Variants in TIAM1 observed in about 807,000 individuals in gnomAD.
The protein encoded by TIAM1 is TIAM Rac1 associated GEF 1.
A neutral mutation model predicts 163.5 loss-of-function variants in TIAM1; 65 were observed. The ratio of observed to expected loss-of-function variants is 0.40; its 90% confidence interval spans 0.33 to 0.49. TIAM1 has a LOEUF of 0.49. Ranked by LOEUF, TIAM1 falls within the 20% of genes least tolerant of loss-of-function variation. The probability of loss-of-function intolerance (pLI) is 0.77; values close to 1 mark genes in which losing one functional copy is unlikely to be tolerated. For missense variants in TIAM1, 1,789 were observed against 2,044.7 expected (o/e 0.87, Z 2.41); for synonymous variants, 833 against 810.1 (o/e 1.03, Z -0.48).
At chr21:31,260,394 C>T (rs2017719) in intron 4 of TIAM1, among the ~76,000 whole-genome samples, 1 of 151,430 alleles carries the variant, frequency 6.6e-6, no homozygotes, top group Non-Finnish European at 1.5e-5. Context: ...CCCGCCACCA[C>T]GCCTGGCTAA....
At chr21:31,519,946 A>G (rs61444781) in intron 1 of TIAM1, among the ~76,000 whole-genome samples, 96,447 of 151,984 alleles carry the variant, frequency 0.63, 30,930 homozygotes, top group East Asian at 0.96. Flanking sequence ...CGGAGTTTCC[A>G]TTTGGGAAGA....
At chr21:31,130,440 C>A (rs1169054207) in intron 24 of TIAM1, 125 bp from the exon 25 acceptor site, 16 of 695,142 alleles carry the variant, frequency 2.3e-5, no homozygotes, top group Non-Finnish European at 3.5e-5. Context: ...AGGATCTTCA[C>A]CCCCATGAGC....
intron 2 of TIAM1, among the ~76,000 whole-genome samples, chr21:31,423,133 C>G (rs2043642610): frequency 1.8e-5 from 2 of 112,702 alleles, no homozygotes; most frequent in Non-Finnish European, 3.3e-5. Context: ...GAGTCTGGCT[C>G]TGTCACCCAG....
At chr21:31,392,987 A>C in intron 2 of TIAM1, among the ~76,000 whole-genome samples, 1 of 145,434 alleles carries the variant, frequency 6.9e-6, no homozygotes, top group African/African-American at 2.6e-5. Context: ...ACTGAGTCTC[A>C]CTCTGTTGCC....
At position 31,266,905 on chromosome 21, in the gene TIAM1, C is replaced by T. The variant is rs758268963; in HGVS notation, c.68G>A (p.Arg23His). 12 of 1,612,838 alleles carry T rather than the reference C, an allele frequency of 7.4e-6. No individual in the cohort carries two copies. Among genetic ancestry groups the T allele is most frequent in the African/African-American group, 5.3e-5 (4 of 74,930 alleles). The change falls in exon 4 of 28, where the codon CGC (arginine) becomes CAC (histidine). Residue 23 changes from arginine (R) to histidine (H), a missense_variant. By Grantham distance (29) the Arg-to-His change is conservative (BLOSUM62 0). Transcript: ENST00000541036. ...GCGCAGGGAGCGGGAAGTGTGCTTG[C>T]GCCCCAGGCTGGCATGCTTTTCTCC... Reference protein sequence around the residue: ...FYGEKHASLGRKHTSRSLRLS... With the variant: ...FYGEKHASLGHKHTSRSLRLS...
chr21:31,465,293 G>A (rs957040814), intron 1 of TIAM1, among the ~76,000 whole-genome samples: 3 of 151,888 alleles, frequency 2.0e-5, no homozygotes, highest in Admixed American at 6.6e-5. Context: ...GCAGAGTGCA[G>A]TGGCAAGATC....
chr21:31,481,231 A>G (rs1332802100), intron 1 of TIAM1, among the ~76,000 whole-genome samples: 1 of 152,100 alleles, frequency 6.6e-6, no homozygotes, highest in Non-Finnish European at 1.5e-5. Context: ...TACACTCAAC[A>G]ATAAGATTTA....
At chr21:31,558,691 G>A (rs1242900028) in intron 1 of TIAM1, among the ~76,000 whole-genome samples, 4 of 152,224 alleles carry the variant, frequency 2.6e-5, no homozygotes, top group South Asian at 4.2e-4. Context: ...TCGCGCGAGG[G>A]ATGCCTCCTC....
chr21:31,286,508 G>A (rs1442781827), intron 2 of TIAM1, among the ~76,000 whole-genome samples: 1 of 151,890 alleles, frequency 6.6e-6, no homozygotes, highest in African/African-American at 2.4e-5. Flanking sequence ...AGAAGTTCAA[G>A]ACCAGCCTGG....
At chr21:31,473,815 C>T (rs553201361) in intron 1 of TIAM1, among the ~76,000 whole-genome samples, 1 of 152,290 alleles carries the variant, frequency 6.6e-6, no homozygotes, top group South Asian at 2.1e-4. Context: ...TTTTCCCCTC[C>T]TCTGTCACCT....
chr21:31,464,152 C>G (rs2045436439), intron 1 of TIAM1: 1 of 152,106 alleles, frequency 6.6e-6, no homozygotes, highest in Non-Finnish European at 1.5e-5. Flanking sequence ...TAAAACTCTA[C>G]CAGAGGAGGC....
At chr21:31,388,057 G>A (rs1421617310) in intron 2 of TIAM1, among the ~76,000 whole-genome samples, 3 of 152,138 alleles carry the variant, frequency 2.0e-5, no homozygotes, top group African/African-American at 4.8e-5. Flanking sequence ...TTCACTCTCC[G>A]TCACAATTAT....
At chr21:31,357,837 AT>A (rs1233566199) in intron 2 of TIAM1, among the ~76,000 whole-genome samples, 1 of 152,162 alleles carries the variant, frequency 6.6e-6, no homozygotes, top group Non-Finnish European at 1.5e-5. Flanking sequence ...GACACCACTG[AT>A]TACTCATTCT....
chr21:31,222,696 TA>T (rs1569056245), intron 8 of TIAM1, among the ~76,000 whole-genome samples: 31 of 39,776 alleles, frequency 7.8e-4, no homozygotes, highest in African/African-American at 1.1e-3. Flanking sequence ...TATATATATA[TA>T]TATATATATA....
At chr21:31,388,544 G>C (rs1022175750) in intron 2 of TIAM1, among the ~76,000 whole-genome samples, 3 of 151,928 alleles carry the variant, frequency 2.0e-5, no homozygotes, top group Non-Finnish European at 4.4e-5. Context: ...TATAGTCCCA[G>C]CTCCTCAAGA....
At chr21:31,218,750 A>C (rs2087361278) in intron 8 of TIAM1, among the ~76,000 whole-genome samples, 1 of 152,076 alleles carries the variant, frequency 6.6e-6, no homozygotes. Context: ...GCTTTCTGTT[A>C]TTCTTTCCGC....
chr21:31,130,174 A>T, intron 25 of TIAM1, 39 bp downstream of exon 25: 1 of 1,513,096 alleles, frequency 6.6e-7, no homozygotes, highest in East Asian at 2.3e-5. Flanking sequence ...ACACATCAGA[A>T]ATATGTGTGT....
rs114983851 is a variant in TIAM1 at position 31,256,393 on chromosome 21, C to G, written c.964-4204G>C. Among the ~76,000 whole-genome samples the G allele has an allele frequency of 1.4e-3, 207 of 152,220 alleles. 3 individuals are homozygous for G. The highest frequency in any genetic ancestry group is 4.8e-3 in the African/African-American group (201 of 41,532). ...TGTTTCCTTTGTCACTTGAATTTCC[C>G]TGATAGATCCAGCTTGAATACACCT... On this transcript the variant is annotated intron_variant, in intron 4 of 27. Coordinates refer to ENST00000541036, the MANE Select transcript of TIAM1 (RefSeq NM_001353694.2).
chr21:31,213,354 C>T (rs2086989595), intron 10 of TIAM1, 44 bp downstream of exon 10: 1 of 1,539,512 alleles, frequency 6.5e-7, no homozygotes, highest in Non-Finnish European at 8.9e-7. Context: ...TATGTTGATG[C>T]ACTTGTGGTA....
Sources: allele counts gnomAD v4.1 joint callset (sites outside exome capture counted in the v4.1 genomes callset), GRCh38; gene constraint gnomAD v4.1.1; transcripts MANE v1.5; gene names NCBI Gene and HGNC (gene_info 2026-07-23, HGNC 2026-07-21).